MACROD2: variants seen among roughly 807,000 people sequenced by gnomAD.
MACROD2 encodes ADP-ribose glycohydrolase MACROD2.
Under a neutral mutation model 70.4 loss-of-function variants are expected in MACROD2, and 36 were observed. The ratio of observed to expected loss-of-function variants is 0.51; its 90% CI spans 0.39 to 0.68. The LOEUF (loss-of-function observed/expected upper bound fraction) is 0.68, where lower values mean the gene tolerates loss of function less well. Among genes scored for constraint, MACROD2 ranks in the 30% least tolerant of loss-of-function variants. The pLI, the probability that MACROD2 is intolerant of heterozygous loss-of-function variation, is 0.00. For missense variants in MACROD2, 496 were observed against 538.4 expected (o/e 0.92, Z 0.78); for synonymous variants, 172 against 178.8 (o/e 0.96, Z 0.30).
chr20:16,048,834 T>C (rs1218710422), intron 17 of MACROD2, among the ~76,000 whole-genome samples: 1 of 152,150 alleles, frequency 6.6e-6, no homozygotes, highest in Non-Finnish European at 1.5e-5. Flanking sequence ...AAAACCTATA[T>C]TCACAAAAGC....
intron 5 of MACROD2, among the ~76,000 whole-genome samples, chr20:14,727,707 A>G (rs16994839): frequency 0.24 from 36,141 of 152,102 alleles, 4,501 homozygotes; most frequent in East Asian, 0.41. Flanking sequence ...ATTTGATCTC[A>G]GTAAGATTTT....
chr20:15,982,457 G>A (rs976109900), intron 13 of MACROD2, among the ~76,000 whole-genome samples: 3 of 152,088 alleles, frequency 2.0e-5, no homozygotes, highest in Non-Finnish European at 4.4e-5. Context: ...TCATGCTTCG[G>A]CCATGTGTGG....
chr20:15,309,119 A>T (rs150445916), intron 6 of MACROD2, among the ~76,000 whole-genome samples: 4 of 152,332 alleles, frequency 2.6e-5, no homozygotes, highest in East Asian at 3.9e-4. Context: ...AAACTGCAGG[A>T]GATAACTTGT....
chr20:14,260,656 G>A (rs546826374), intron 3 of MACROD2, among the ~76,000 whole-genome samples: 1 of 152,278 alleles, frequency 6.6e-6, no homozygotes, highest in South Asian at 2.1e-4. Context: ...ACACAGTCTG[G>A]ACAGACTGCC....
chr20:14,362,061 G>A (rs1252476062), intron 3 of MACROD2, among the ~76,000 whole-genome samples: 4 of 152,200 alleles, frequency 2.6e-5, no homozygotes, highest in Non-Finnish European at 4.4e-5. Context: ...AGTAGGCCAA[G>A]TGTCAGCTTC....
intron 5 of MACROD2, among the ~76,000 whole-genome samples, chr20:15,051,749 T>G (rs1417884914): frequency 7.0e-6 from 1 of 142,308 alleles, no homozygotes; most frequent in Non-Finnish European, 1.5e-5. Flanking sequence ...CATTATACCA[T>G]CTCTTTTTTT....
rs181466767 is a variant in MACROD2, at chr20:15,269,915, C to T, written c.540+39854C>T. Among the ~76,000 whole-genome samples the T allele has an allele frequency of 2.8e-3, 424 of 152,204 alleles. 3 individuals are homozygous for T. The highest frequency in any genetic ancestry group is 9.3e-3 in the African/African-American group (388 of 41,518). ...ATTTATTTGGCACCTATTAGGCCCCCTGTAGGATAATAACACCTTAAGCTC... is the reference window on the plus strand; with the variant it reads ...ATTTATTTGGCACCTATTAGGCCCCTTGTAGGATAATAACACCTTAAGCTC... On this transcript the variant is annotated intron_variant, in intron 6 of 17. Transcript: ENST00000684519.
At chr20:14,785,893 A>G (rs910672255) in intron 5 of MACROD2, among the ~76,000 whole-genome samples, 5 of 152,154 alleles carry the variant, frequency 3.3e-5, no homozygotes, top group South Asian at 2.1e-4. Context: ...CAGGAAGAAA[A>G]AAGGGGGAGC....
chr20:15,297,958 A>C (rs1466075264), intron 6 of MACROD2, among the ~76,000 whole-genome samples: 1 of 152,188 alleles, frequency 6.6e-6, no homozygotes, highest in Non-Finnish European at 1.5e-5. Flanking sequence ...ATAAAACCAG[A>C]AATATTGTGC....
intron 3 of MACROD2, among the ~76,000 whole-genome samples, chr20:14,105,029 G>A (rs1178489561): frequency 6.6e-6 from 1 of 152,096 alleles, no homozygotes; most frequent in Non-Finnish European, 1.5e-5. Context: ...ATCCTCATGT[G>A]CAACCTTATT....
At chr20:14,341,723 C>T (rs1407767414) in intron 3 of MACROD2, among the ~76,000 whole-genome samples, 1 of 152,188 alleles carries the variant, frequency 6.6e-6, no homozygotes, top group Non-Finnish European at 1.5e-5. Context: ...CTTTTGGTTG[C>T]AAGTCATTGA....
intron 5 of MACROD2, among the ~76,000 whole-genome samples, chr20:15,202,520 C>G (rs924351037): frequency 6.6e-6 from 1 of 152,130 alleles, no homozygotes; most frequent in African/African-American, 2.4e-5. Context: ...TTTCTTTTCT[C>G]TAAATGCCTT....
intron 5 of MACROD2, among the ~76,000 whole-genome samples, chr20:14,794,947 TTTAA>T (rs2072493979): frequency 2.0e-5 from 3 of 152,178 alleles, no homozygotes; most frequent in Admixed American, 2.0e-4. Flanking sequence ...ACAGATGCTA[TTTAA>T]GATGAGAACT....
intron 15 of MACROD2, among the ~76,000 whole-genome samples, chr20:15,988,988 T>C (rs1456380712): frequency 6.6e-6 from 1 of 152,158 alleles, no homozygotes; most frequent in Admixed American, 6.5e-5. Flanking sequence ...ACAAGCTGGG[T>C]GACTTTGGAC....
intron 9 of MACROD2, 45 bp from the exon 10 acceptor site, chr20:15,885,719 C>T (rs1263632242): frequency 3.5e-6 from 5 of 1,409,902 alleles, no homozygotes; most frequent in South Asian, 1.5e-5. Context: ...TTGTGTTTCC[C>T]ACTTTCATAT....
chr20:14,378,517 C>T (rs1330552225), intron 3 of MACROD2, among the ~76,000 whole-genome samples: 1 of 152,208 alleles, frequency 6.6e-6, no homozygotes, highest in African/African-American at 2.4e-5. Context: ...CATCACAGCT[C>T]AGCTTTTCTC....
intron 3 of MACROD2, among the ~76,000 whole-genome samples, chr20:14,102,176 G>A (rs1390588741): frequency 1.3e-5 from 2 of 151,234 alleles, no homozygotes; most frequent in Non-Finnish European, 2.9e-5. Flanking sequence ...GCTAATTTTT[G>A]TATTTCTAGT....
At chr20:15,067,533 A>G (rs147668948) in intron 5 of MACROD2, among the ~76,000 whole-genome samples, 35 of 152,056 alleles carry the variant, frequency 2.3e-4, no homozygotes, top group African/African-American at 8.2e-4. Context: ...TATCTTTAGT[A>G]GAGATGGGGT....
At chr20:15,594,668 G>A (rs1600644700) in intron 8 of MACROD2, among the ~76,000 whole-genome samples, 1 of 152,192 alleles carries the variant, frequency 6.6e-6, no homozygotes, top group Non-Finnish European at 1.5e-5. Flanking sequence ...TACCTTTTAT[G>A]GAATGTTAAC....
Sources: allele counts gnomAD v4.1 joint callset (sites outside exome capture counted in the v4.1 genomes callset), GRCh38; gene constraint gnomAD v4.1.1; transcripts MANE v1.5; gene names NCBI Gene and HGNC (gene_info 2026-07-23, HGNC 2026-07-21).